The following TJP2 variants were observed in gnomAD, a reference collection of about 807,000 sequenced individuals.
TJP2 encodes the protein tight junction protein 2.
In TJP2, 91 loss-of-function variants were observed where a neutral mutation model predicts 133.1. That is an observed-to-expected ratio of 0.68 (90% confidence interval 0.58 to 0.81). The LOEUF is 0.81. Among genes scored for constraint, TJP2 ranks in the 40% least tolerant of loss-of-function variants. The pLI, the probability that TJP2 is intolerant of heterozygous loss-of-function variation, is 0.00. For synonymous variants in TJP2, 592 were observed against 583.4 expected (o/e 1.01, Z -0.21); for missense variants, 1,541 against 1,565.6 (o/e 0.98, Z 0.26).
At chr9:69,122,899 C>T (rs974442055) in intron 1 of TJP2, among the ~76,000 whole-genome samples, 1 of 152,200 alleles carries the variant, frequency 6.6e-6, no homozygotes, top group Non-Finnish European at 1.5e-5. Flanking sequence ...TACCTATCCT[C>T]TTCGTTTCCT....
intron 9 of TJP2, among the ~76,000 whole-genome samples, chr9:69,228,702 TTCTC>T (rs1457080727): frequency 6.6e-6 from 1 of 152,180 alleles, no homozygotes; most frequent in Non-Finnish European, 1.5e-5. Context: ...AGGCCTTCCT[TTCTC>T]TCTTTTGACG....
chr9:69,215,520 G>C (rs756057647), intron 2 of TJP2, among the ~76,000 whole-genome samples: 1 of 151,880 alleles, frequency 6.6e-6, no homozygotes, highest in Non-Finnish European at 1.5e-5. Context: ...AAGTATCTGG[G>C]ACTATGGATG....
chr9:69,202,471 A>G (rs974720275), intron 1 of TJP2, among the ~76,000 whole-genome samples: 2 of 152,240 alleles, frequency 1.3e-5, no homozygotes, highest in Non-Finnish European at 2.9e-5. Flanking sequence ...ACCCTCACAC[A>G]GTCAAAAATC....
intron 2 of TJP2, among the ~76,000 whole-genome samples, chr9:69,153,197 C>A (rs1292806716): frequency 6.6e-6 from 1 of 151,958 alleles, no homozygotes; most frequent in Non-Finnish European, 1.5e-5. Context: ...TGCACCACTG[C>A]ACCCCAGCCT....
chr9:69,248,877 G>T (rs1588156204), intron 19 of TJP2: 1 of 989,736 alleles, frequency 1.0e-6, no homozygotes, highest in African/African-American at 1.8e-5. Context: ...AGATGGGATT[G>T]TTCATATATT....
intron 1 of TJP2, among the ~76,000 whole-genome samples, chr9:69,150,233 A>G (rs1823404161): frequency 1.3e-5 from 2 of 152,110 alleles, no homozygotes; most frequent in African/African-American, 4.8e-5. Flanking sequence ...TCTCTGTAGT[A>G]TACTTTGGAA....
intron 1 of TJP2, among the ~76,000 whole-genome samples, chr9:69,181,316 T>G (rs1480637939): frequency 2.2e-5 from 3 of 134,856 alleles, no homozygotes; most frequent in Non-Finnish European, 4.6e-5. Flanking sequence ...TGGCCCGATC[T>G]CAGCTCACTG....
At chr9:69,247,913 G>A in intron 18 of TJP2, 99 bp from the exon 19 acceptor site, 4 of 1,229,682 alleles carry the variant, frequency 3.3e-6, no homozygotes, top group Non-Finnish European at 3.4e-6. Context: ...AGCACATCAA[G>A]GTTTCAGTCG....
chr9:69,250,906 C>G (rs925139119), intron 20 of TJP2, 129 bp from the exon 21 acceptor site: 77 of 1,011,480 alleles, frequency 7.6e-5, no homozygotes, highest in Non-Finnish European at 8.2e-5. Context: ...GTATTACATT[C>G]CTTGTCAGAA....
chr9:69,156,965 A>G (rs922167908), intron 2 of TJP2, among the ~76,000 whole-genome samples: 1 of 152,162 alleles, frequency 6.6e-6, no homozygotes, highest in African/African-American at 2.4e-5. Flanking sequence ...AAAGCCTCCA[A>G]GTAACAGGCT....
At chr9:69,247,987 G>T in intron 18 of TJP2, 25 bp from the exon 19 acceptor site, 2 of 1,566,134 alleles carry the variant, frequency 1.3e-6, no homozygotes, top group South Asian at 2.4e-5. Context: ...AGACCCCACT[G>T]ACCGTCCAAC....
intron 1 of TJP2, among the ~76,000 whole-genome samples, chr9:69,141,114 G>A (rs1230602382): frequency 6.6e-6 from 1 of 152,210 alleles, no homozygotes; most frequent in East Asian, 1.9e-4. Flanking sequence ...GCCTCCCAAA[G>A]TGCTGGGATT....
chr9:69,174,675 C>T (rs983855431), intron 1 of TJP2, among the ~76,000 whole-genome samples: 1 of 152,162 alleles, frequency 6.6e-6, no homozygotes, highest in African/African-American at 2.4e-5. Context: ...GAGATTAAGG[C>T]GCGAGTAGGG....
chr9:69,145,775 T>C lies in TJP2; in HGVS notation c.-130-5876T>C, dbSNP rs562480274. ...TTACCCCACTTAACAAAAGAGAACT[T>C]CTACCTGAGAGCAGAAGACACGTGA... On this transcript the variant is annotated intron_variant, in intron 1 of 5. Coordinates refer to the TJP2 transcript ENST00000423935. 1.5e-5 allele frequency: 19 copies of C among 1,231,990 alleles called. No individual in the cohort carries two copies. The Admixed American group carries it at 5.5e-4, about 36-fold the overall frequency. The allele number at this position is 1,231,990 out of a possible 1,614,324, so 76.3% of individuals were successfully genotyped here. A position where few individuals can be genotyped will look rare whatever the true frequency, so the allele number is the denominator to read the frequency against.
chr9:69,193,267 A>G (rs113927394), intron 1 of TJP2, among the ~76,000 whole-genome samples: 7 of 152,122 alleles, frequency 4.6e-5, no homozygotes, highest in African/African-American at 1.4e-4. Flanking sequence ...TTATGTTTTG[A>G]AATTTTCAAT....
At chr9:69,135,771 A>G (rs1439125530) in intron 1 of TJP2, among the ~76,000 whole-genome samples, 1 of 151,966 alleles carries the variant, frequency 6.6e-6, no homozygotes, top group East Asian at 1.9e-4. Flanking sequence ...ACGCCCAGCT[A>G]ATTTTTGTAT....
At chr9:69,139,030 A>T (rs936766604) in intron 1 of TJP2, among the ~76,000 whole-genome samples, 3 of 152,200 alleles carry the variant, frequency 2.0e-5, no homozygotes, top group African/African-American at 7.2e-5. Context: ...TCTGGCCAAC[A>T]TGGTAAAACT....
chr9:69,147,847 G>T (rs572214909), intron 1 of TJP2, among the ~76,000 whole-genome samples: 1 of 152,124 alleles, frequency 6.6e-6, no homozygotes, highest in South Asian at 2.1e-4. Flanking sequence ...TGGATCAGAG[G>T]ACGAACAAGA....
chr9:69,245,898 G>A (rs1312746936), intron 17 of TJP2, among the ~76,000 whole-genome samples: 1 of 152,162 alleles, frequency 6.6e-6, no homozygotes, highest in Non-Finnish European at 1.5e-5. Context: ...ATTCTAAAAT[G>A]TGTAAGTCTA....
Sources: gnomAD v4.1 joint callset for allele counts (sites outside exome capture counted in the v4.1 genomes callset) on GRCh38, gnomAD v4.1.1 for gene constraint, MANE v1.5 for transcripts, NCBI Gene and HGNC (gene_info 2026-07-23, HGNC 2026-07-21) for gene names.